Variants in NRG1 observed in about 807,000 individuals in gnomAD.
NRG1 encodes pro-neuregulin-1, membrane-bound isoform.
Under a neutral mutation model 63.8 loss-of-function variants are expected in NRG1, and 18 were observed. That is an observed-to-expected ratio of 0.28 (90% CI 0.19 to 0.42). NRG1 has a LOEUF of 0.42. NRG1 is among the 10% of genes least tolerant of loss of function. The pLI is 1.00. For synonymous variants in NRG1, 302 were observed against 301.3 expected (o/e 1.00, Z -0.02); for missense variants, 762 against 814.7 (o/e 0.94, Z 0.79).
At chr8:31,860,136 A>T (rs1828335653) in intron 1 of NRG1, among the ~76,000 whole-genome samples, 1 of 152,200 alleles carries the variant, frequency 6.6e-6, no homozygotes, top group African/African-American at 2.4e-5. Flanking sequence ...TTCCATATAT[A>T]GGTTTGCAAA....
chr8:32,764,244 C>T lies in NRG1; in HGVS notation c.1756C>T (p.Leu586=), dbSNP rs772592322. Reference sequence around the variant, plus strand: ...AAGAGTAGGTGAAGATACGCCTTTCCTGGGCATACAGAACCCCCTGGCAGC... The same window carrying T: ...AAGAGTAGGTGAAGATACGCCTTTCTTGGGCATACAGAACCCCCTGGCAGC... The change falls in exon 12 of 12, where the codon CTG becomes TTG. Residue 586 remains leucine (L), a synonymous_variant. Transcript: ENST00000356819. 1.1e-5 allele frequency: 18 copies of T among 1,614,004 alleles called. No homozygotes were observed. In the South Asian group the frequency reaches 1.9e-4, roughly 17 times the overall value.
intron 1 of NRG1, among the ~76,000 whole-genome samples, chr8:32,352,907 A>G (rs1805801271): frequency 8.4e-6 from 1 of 118,568 alleles, no homozygotes; most frequent in Non-Finnish European, 1.9e-5. Flanking sequence ...ATACATATAT[A>G]TATATATAGA....
At chr8:32,701,959 T>C (rs187692701) in intron 5 of NRG1, among the ~76,000 whole-genome samples, 6 of 152,332 alleles carry the variant, frequency 3.9e-5, no homozygotes, top group African/African-American at 1.4e-4. Context: ...CATCACAAGA[T>C]AAATCAAAGT....
chr8:32,476,452 C>G (rs1187584036), intron 1 of NRG1, among the ~76,000 whole-genome samples: 2 of 152,158 alleles, frequency 1.3e-5, no homozygotes, highest in African/African-American at 4.8e-5. Flanking sequence ...TTCAGGAGGT[C>G]AAACAGGAAG....
intron 1 of NRG1, among the ~76,000 whole-genome samples, chr8:31,788,248 G>C (rs1820370120): frequency 1.3e-5 from 2 of 152,054 alleles, no homozygotes; most frequent in Admixed American, 6.5e-5. Flanking sequence ...TTAACATTTT[G>C]AGGTACACAT....
At chr8:32,596,050 G>A in intron 2 of NRG1, 45 bp downstream of exon 2, 1 of 1,455,182 alleles carries the variant, frequency 6.9e-7, no homozygotes, top group Non-Finnish European at 9.4e-7. Flanking sequence ...CCAGCAATAA[G>A]ATAACATATA....
chr8:32,657,381 G>A (rs192216465), intron 5 of NRG1, among the ~76,000 whole-genome samples: 5 of 151,412 alleles, frequency 3.3e-5, no homozygotes, highest in South Asian at 2.1e-4. Flanking sequence ...CTTCTCCAGC[G>A]ATCTCAGGGC....
intron 9 of NRG1, among the ~76,000 whole-genome samples, chr8:32,757,835 CACTT>C (rs1721024123): frequency 6.6e-6 from 1 of 152,160 alleles, no homozygotes; most frequent in Admixed American, 6.5e-5. Flanking sequence ...TTGCATAAAA[CACTT>C]AGTCTAGTGG....
At chr8:31,792,844 T>C (rs1443701232) in intron 1 of NRG1, among the ~76,000 whole-genome samples, 1 of 152,308 alleles carries the variant, frequency 6.6e-6, no homozygotes, top group South Asian at 2.1e-4. Context: ...TTGGAAACCA[T>C]TGTCGCATTG....
At chr8:32,088,382 G>A (rs1338487758) in intron 1 of NRG1, among the ~76,000 whole-genome samples, 1 of 152,164 alleles carries the variant, frequency 6.6e-6, no homozygotes, top group Non-Finnish European at 1.5e-5. Context: ...AAACATTGTG[G>A]AAAGTAAGCT....
At chr8:32,169,399 C>T (rs148507070) in intron 1 of NRG1, among the ~76,000 whole-genome samples, 160 of 152,240 alleles carry the variant, frequency 1.1e-3, no homozygotes, top group Middle Eastern at 3.4e-3. Flanking sequence ...GTAGGATTTG[C>T]GATTTGTCGG....
chr8:31,725,981 A>C (rs928689397), intron 1 of NRG1, among the ~76,000 whole-genome samples: 1 of 152,182 alleles, frequency 6.6e-6, no homozygotes, highest in Non-Finnish European at 1.5e-5. Flanking sequence ...CCTTTATTTT[A>C]AACATAATAG....
intron 1 of NRG1, among the ~76,000 whole-genome samples, chr8:32,033,744 C>T (rs995128143): frequency 6.6e-6 from 1 of 152,020 alleles, no homozygotes; most frequent in African/African-American, 2.4e-5. Flanking sequence ...TTATTTGGCT[C>T]TCTGCTTGTT....
chr8:32,316,812 AAAAT>A (rs1857453272), intron 1 of NRG1, among the ~76,000 whole-genome samples: 1 of 143,998 alleles, frequency 6.9e-6, no homozygotes, highest in Non-Finnish European at 1.5e-5. Flanking sequence ...AAAATAAAAT[AAAAT>A]AAAATAAAAT....
chr8:32,362,430 A>G (rs1452623037), intron 1 of NRG1, among the ~76,000 whole-genome samples: 1 of 152,214 alleles, frequency 6.6e-6, no homozygotes, highest in African/African-American at 2.4e-5. Flanking sequence ...CTATTTGCCA[A>G]ATGGTTACTT....
chr8:31,761,972 A>G (rs539978801), intron 1 of NRG1, among the ~76,000 whole-genome samples: 10 of 152,306 alleles, frequency 6.6e-5, no homozygotes, highest in African/African-American at 1.4e-4. Flanking sequence ...TTCTATGTGC[A>G]CCATTATGTC....
chr8:32,119,917 A>G (rs911189559), intron 1 of NRG1, among the ~76,000 whole-genome samples: 4 of 152,130 alleles, frequency 2.6e-5, no homozygotes, highest in African/African-American at 9.6e-5. Context: ...CCTCTAAAAA[A>G]TACAATTGAT....
chr8:32,245,126 T>A (rs1414510389), intron 1 of NRG1, among the ~76,000 whole-genome samples: 5 of 152,146 alleles, frequency 3.3e-5, no homozygotes, highest in Admixed American at 6.6e-5. Context: ...AAGTCTGGCC[T>A]GCGTGTAATC....
At chr8:32,507,434 T>C (rs1187280723) in intron 1 of NRG1, among the ~76,000 whole-genome samples, 1 of 152,212 alleles carries the variant, frequency 6.6e-6, no homozygotes, top group East Asian at 1.9e-4. Context: ...TAGTTGCCTC[T>C]TCTTGATTAC....
Sources: allele counts gnomAD v4.1 joint callset (sites outside exome capture counted in the v4.1 genomes callset), GRCh38; gene constraint gnomAD v4.1.1; transcripts MANE v1.5; gene names NCBI Gene and HGNC (gene_info 2026-07-23, HGNC 2026-07-21).